GHR: variants seen among roughly 807,000 people sequenced by gnomAD.
GHR encodes the protein GH receptor.
In GHR, 35 loss-of-function variants were observed where a neutral mutation model predicts 67.1. The observed-to-expected ratio is 0.52, with a 90% CI of 0.40 to 0.69. The LOEUF is 0.69. Ranked by LOEUF, GHR falls within the 30% of genes least tolerant of loss-of-function variation. GHR has a pLI of 0.00. For missense variants in GHR, 792 were observed against 764.6 expected (o/e 1.04, Z -0.42); for synonymous variants, 272 against 269.1 (o/e 1.01, Z -0.10).
At chr5:42,686,972 C>A (rs934698707) in intron 3 of GHR, among the ~76,000 whole-genome samples, 11 of 152,222 alleles carry the variant, frequency 7.2e-5, no homozygotes, top group African/African-American at 2.7e-4. Context: ...TAAGCAACTT[C>A]AGCAAAGTCT....
At chr5:42,466,862 T>C in intron 1 of GHR, 1 of 1,427,710 alleles carries the variant, frequency 7.0e-7, no homozygotes, top group Non-Finnish European at 9.3e-7. Context: ...TGACCAATGC[T>C]GGAAGTCTTC....
In GHR at chr5:42,711,233, T is replaced by G; in HGVS notation, c.645T>G (p.Val215=). 1 of 1,613,426 alleles carries G rather than the reference T, an allele frequency of 6.2e-7. No homozygotes were observed. Among genetic ancestry groups the G allele is most frequent in the Middle Eastern group, 1.7e-4 (1 of 6,058 alleles). ...KMMDPILTTS[V]PVYSLKVDKE... is the part of the protein sequence containing the mutation. ...TGGACCCTATATTGACAACATCAGT[T>G]CCAGTGTACTCATTGAAAGTGGATA... Residue 215 remains valine (V), a synonymous_variant, in exon 7 of 10, where the codon GTT becomes GTG. Transcript: ENST00000230882.
At chr5:42,489,822 A>G (rs1746037361) in intron 1 of GHR, among the ~76,000 whole-genome samples, 2 of 152,230 alleles carry the variant, frequency 1.3e-5, no homozygotes, top group Admixed American at 6.5e-5. Context: ...TAAAAAAGGT[A>G]AAGTCATAAA....
chr5:42,603,820 C>G (rs576162200), intron 2 of GHR, among the ~76,000 whole-genome samples: 1 of 152,320 alleles, frequency 6.6e-6, no homozygotes, highest in South Asian at 2.1e-4. Flanking sequence ...AATTCCAACA[C>G]TTCTACTGAG....
chr5:42,580,326 G>C (rs1015323904), intron 2 of GHR, among the ~76,000 whole-genome samples: 7 of 152,092 alleles, frequency 4.6e-5, no homozygotes, highest in Non-Finnish European at 1.0e-4. Flanking sequence ...TGGTCATGCT[G>C]CTTGCTTTAG....
intron 3 of GHR, among the ~76,000 whole-genome samples, chr5:42,661,054 G>A (rs1349389851): frequency 6.6e-6 from 1 of 152,130 alleles, no homozygotes; most frequent in East Asian, 1.9e-4. Context: ...GGGAAGTTTA[G>A]AGAAAAAAGA....
At chr5:42,505,345 AT>A (rs915580754) in intron 1 of GHR, among the ~76,000 whole-genome samples, 51 of 143,638 alleles carry the variant, frequency 3.6e-4, no homozygotes, top group South Asian at 2.7e-3. Context: ...TTAAGTGTTT[AT>A]TTTTTTTTTG....
intron 6 of GHR, among the ~76,000 whole-genome samples, chr5:42,703,637 A>G (rs747322096): frequency 1.3e-5 from 2 of 151,966 alleles, no homozygotes; most frequent in Non-Finnish European, 2.9e-5. Flanking sequence ...AGATTGCTTT[A>G]GGTAGCAGGG....
chr5:42,690,556 A>G (rs963446229), intron 4 of GHR, among the ~76,000 whole-genome samples: 3 of 152,236 alleles, frequency 2.0e-5, no homozygotes, highest in East Asian at 1.9e-4. Flanking sequence ...TATAAATTGT[A>G]TAAGACCATT....
chr5:42,602,768 A>G (rs773940889), intron 2 of GHR, among the ~76,000 whole-genome samples: 2 of 151,940 alleles, frequency 1.3e-5, no homozygotes, highest in Non-Finnish European at 2.9e-5. Flanking sequence ...GCTTATAAGA[A>G]CTCTCTGCTT....
intron 1 of GHR, among the ~76,000 whole-genome samples, chr5:42,542,556 T>C (rs1446099789): frequency 6.6e-6 from 1 of 152,104 alleles, no homozygotes; most frequent in Non-Finnish European, 1.5e-5. Flanking sequence ...AAGGAGATAA[T>C]TTTAGTGCAC....
intron 1 of GHR, among the ~76,000 whole-genome samples, chr5:42,517,858 T>C (rs1458696705): frequency 6.6e-6 from 1 of 152,048 alleles, no homozygotes; most frequent in Non-Finnish European, 1.5e-5. Flanking sequence ...TTGCGTGTTT[T>C]CTCTTGATGC....
intron 3 of GHR, among the ~76,000 whole-genome samples, chr5:42,639,973 G>A (rs140030107): frequency 6.6e-6 from 1 of 152,264 alleles, no homozygotes; most frequent in East Asian, 1.9e-4. Context: ...AGAGGTGTTA[G>A]CATAGATTTC....
At chr5:42,486,459 T>A (rs184453794) in intron 1 of GHR, among the ~76,000 whole-genome samples, 5 of 152,366 alleles carry the variant, frequency 3.3e-5, no homozygotes, top group Non-Finnish European at 2.9e-5. Flanking sequence ...CAAAATTATT[T>A]TCTCTAAGAA....
rs1467463565 is a variant in GHR, at chr5:42,424,663, A to T, written c.-12+708A>T. The T allele has an allele frequency of 4.2e-6, 6 of 1,431,210 alleles. No individual in the cohort carries two copies. Among genetic ancestry groups the T allele is most frequent in the African/African-American group, 1.4e-5 (1 of 71,062 alleles). 88.7% of individuals were successfully genotyped at this position (1,431,210 alleles called of 1,614,324 possible). Reference sequence around the variant, plus strand: ...TGACACACTAGTGGTTGTAAAATCAACCAGGCTTAAAGTTTTGACAGAACT... The same window carrying T: ...TGACACACTAGTGGTTGTAAAATCATCCAGGCTTAAAGTTTTGACAGAACT... On this transcript the variant is annotated intron_variant, in intron 1 of 9. Coordinates refer to ENST00000230882, the MANE Select transcript of GHR (RefSeq NM_000163.5). This position sits in a 1 kb window ranked among gnomAD's most constrained non-coding sequence, Gnocchi z 4.1.
chr5:42,661,816 G>C, intron 3 of GHR, among the ~76,000 whole-genome samples: 1 of 152,172 alleles, frequency 6.6e-6, no homozygotes, highest in Non-Finnish European at 1.5e-5. Flanking sequence ...TGGCAAATTG[G>C]ATAAAGAGTC....
intron 1 of GHR, chr5:42,467,834 T>C: frequency 1.8e-6 from 2 of 1,113,404 alleles, no homozygotes; most frequent in Non-Finnish European, 2.6e-6. Context: ...GGTTTTCGGA[T>C]TGTTAACAGT....
chr5:42,455,557 G>A (rs546560609), intron 1 of GHR, among the ~76,000 whole-genome samples: 6 of 152,170 alleles, frequency 3.9e-5, no homozygotes, highest in African/African-American at 1.2e-4. Context: ...AATTTATATG[G>A]AAATAATTCC....
chr5:42,503,592 A>C (rs1012513926), intron 1 of GHR, among the ~76,000 whole-genome samples: 1 of 152,212 alleles, frequency 6.6e-6, no homozygotes, highest in South Asian at 2.1e-4. Context: ...TATAGGTGGT[A>C]GAGATTCCAC....
Sources: gnomAD v4.1 joint callset for allele counts (sites outside exome capture counted in the v4.1 genomes callset) on GRCh38, gnomAD v4.1.1 for gene constraint, Gnocchi (gnomAD v3.1) non-coding constraint, MANE v1.5 for transcripts, NCBI Gene and HGNC (gene_info 2026-07-23, HGNC 2026-07-21) for gene names.